The following NDST2 variants were observed in gnomAD, a reference collection of about 807,000 sequenced individuals.
The protein encoded by NDST2 is bifunctional heparan sulfate N-deacetylase/N-sulfotransferase 2.
In NDST2, 32 loss-of-function variants were observed where a neutral mutation model predicts 86.9. The observed-to-expected ratio is 0.37, with a 90% CI of 0.28 to 0.49. The LOEUF (loss-of-function observed/expected upper bound fraction) is 0.49. Ranked by LOEUF, NDST2 falls within the 20% of genes least tolerant of loss-of-function variation. NDST2 has a pLI of 0.97. For missense variants in NDST2, 950 were observed against 1,146.9 expected, an observed-to-expected ratio of 0.83 and a Z score of 2.48; for synonymous variants, 409 against 437.0, an observed-to-expected ratio of 0.94 and a Z score of 0.80.
Position 73,807,607 on chromosome 10 carries a change from C to A in NDST2, c.782G>T (p.Arg261Leu), listed in dbSNP as rs574275291. 1.9e-6 allele frequency: 3 copies of A among 1,614,064 alleles called. No individual in the cohort carries two copies. The African/African-American group carries it at 4.0e-5, about 22-fold the overall frequency. Residue 261 changes from arginine (R) to leucine (L), a missense_variant, in exon 3 of 15, where the codon CGG (arginine) becomes CTG (leucine). Transcript: ENST00000309979. ...AVPGPVLRRA[R>L]LPTVVQDLGL... ...CAGGTCCTGTACCACAGTGGGAAGC[C>A]GGGCCCGACGAAGAACTGGTCCTGG...
Position 73,808,703 on chromosome 10 carries a change from A to G in NDST2, c.-315T>C. ...GGCTGAGCGCCTCACATCAAAGGTC[A>G]GCAAAGTTCAATCTCTTCCCCTCTA... On this transcript the variant is annotated 5_prime_UTR_variant, in exon 3 of 15. Transcript: ENST00000309979. The surrounding 1 kb of genome is among the most constrained non-coding windows in gnomAD (Gnocchi z 4.3). 1 of 312,304 alleles carries G rather than the reference A, an allele frequency of 3.2e-6. No individual in the cohort carries two copies. The allele number at this position is 312,304 out of a possible 1,614,324, so 19.3% of individuals were successfully genotyped here.
chr10:73,807,275 C>A, intron 3 of NDST2, 80 bp from the exon 4 acceptor site: 2 of 1,567,178 alleles, frequency 1.3e-6, no homozygotes, highest in African/African-American at 1.4e-5. Flanking sequence ...TTCTTCCTGC[C>A]TGGAAAGGCA....
intron 11 of NDST2, 42 bp downstream of exon 11, chr10:73,803,532 C>T: frequency 3.2e-6 from 2 of 627,716 alleles, no homozygotes; most frequent in South Asian, 1.4e-5. Context: ...CCTCCCCCCT[C>T]CCCCCAACCT....
chr10:73,807,908 A>G lies in NDST2; in HGVS notation c.481T>C (p.Cys161Arg). The G allele has an allele frequency of 6.2e-7, 1 of 1,614,228 alleles. No individual in the cohort carries two copies. The highest frequency in any genetic ancestry group is 8.5e-7 in the Non-Finnish European group (1 of 1,180,036). ...ATGATGCCCACACCATACTCCACGC[A>G]GTACCGGTCTAGCAGTTCCCGACTC... ...AWSRELLDRY[C>R]VEYGVGIIGF... Residue 161 changes from cysteine to arginine, a missense_variant, in exon 3 of 15, where the codon TGC (cysteine) becomes CGC (arginine). Transcript: ENST00000309979.
rs1488492861 is a variant in NDST2, at chr10:73,802,080, G to T, written c.*371C>A. The T allele has an allele frequency of 5.4e-6, 2 of 369,070 alleles. No individual in the cohort carries two copies. Among genetic ancestry groups the T allele is most frequent in the Admixed American group, 8.9e-5 (2 of 22,448 alleles). The allele number at this position is 369,070 out of a possible 1,614,324, so 22.9% of individuals were successfully genotyped here. On this transcript the variant is annotated 3_prime_UTR_variant, in exon 15 of 15. Coordinates refer to ENST00000309979, the MANE Select transcript of NDST2 (RefSeq NM_003635.4). ...CTGGCTAAAGGGGCCATAGCAAGGGGTCCCTCCCATGCAAGGGGTCTCTCC... is the reference window on the plus strand; with the variant it reads ...CTGGCTAAAGGGGCCATAGCAAGGGTTCCCTCCCATGCAAGGGGTCTCTCC...
At position 73,808,624 on chromosome 10, in the gene NDST2, C is replaced by T. The variant is rs1318827581; in HGVS notation, c.-236G>A. On this transcript the variant is annotated 5_prime_UTR_variant, in exon 3 of 15. Coordinates refer to ENST00000309979, the MANE Select transcript of NDST2 (RefSeq NM_003635.4). The surrounding 1 kb of genome is among the most constrained non-coding windows in gnomAD (Gnocchi z 4.3). ...TCCACTTGTCTCAGGTCACCATGGC[C>T]CCCTGGCCCATGGCTTCAGGCTGCA... The T allele has an allele frequency of 2.1e-6, 1 of 476,116 alleles. No homozygotes were observed. The highest frequency in any genetic ancestry group is 1.9e-5 in the African/African-American group (1 of 52,330). The allele number at this position is 476,116 out of a possible 1,614,324, so 29.5% of individuals were successfully genotyped here. A position where few individuals can be genotyped will look rare whatever the true frequency, so the allele number is the denominator to read the frequency against.
Position 73,803,929 on chromosome 10 carries a change from A to C in NDST2, c.1931T>G (p.Phe644Cys), listed in dbSNP as rs775597794. The C allele has an allele frequency of 6.2e-7, 1 of 1,614,162 alleles. No individual in the cohort carries two copies. The highest frequency in any genetic ancestry group is 8.5e-7 in the Non-Finnish European group (1 of 1,180,036). Reference protein sequence around the residue: ...PSPSTFEEIQFFNSPNYHKGI... With the variant: ...PSPSTFEEIQCFNSPNYHKGI... ...CTTGTGGTAATTAGGGCTGTTGAAGAACTGAATCTCCTCAAATGTGCTGGG... is the reference window on the plus strand; with the variant it reads ...CTTGTGGTAATTAGGGCTGTTGAAGCACTGAATCTCCTCAAATGTGCTGGG... The change falls in exon 10 of 15, where the codon TTC (phenylalanine) becomes TGC (cysteine). Residue 644 changes from phenylalanine to cysteine, a missense_variant. Phe to Cys is a radical substitution (Grantham distance 205). Coordinates refer to ENST00000309979, the MANE Select transcript of NDST2 (RefSeq NM_003635.4).
rs372522956 is a variant in NDST2 at position 73,803,757 on chromosome 10, T to C, written c.1968-9A>G. The C allele has an allele frequency of 1.2e-5, 20 of 1,613,822 alleles. No individual in the cohort carries two copies. In the Admixed American group the frequency reaches 2.2e-4, roughly 17 times the overall value. On this transcript the variant is annotated splice_polypyrimidine_tract_variant and intron_variant, in intron 10 of 14. Coordinates refer to ENST00000309979, the MANE Select transcript of NDST2 (RefSeq NM_003635.4). ...GGAAGAAATCCATGTACCTAGGAAG[T>C]AGCACAGAAGAGAGAGAAGCAGAAA...
At chr10:73,805,215 C>T (rs1380990690) in intron 8 of NDST2, among the ~76,000 whole-genome samples, 2 of 151,696 alleles carry the variant, frequency 1.3e-5, no homozygotes, top group Non-Finnish European at 2.9e-5. Flanking sequence ...CTAGTCTTCT[C>T]TTAAACCCCC....
Position 73,805,918 on chromosome 10 carries a change from C to T in NDST2, c.1545G>A (p.Leu515=). The change falls in exon 7 of 15, where the codon CTG becomes CTA. Residue 515 remains leucine (L), a synonymous_variant. Transcript: ENST00000309979. The stretch of plus-strand genomic sequence containing the variant: ...ACCTTACCGGATTAAGCAGCACTGT[C>T]AGAAAGAGCTCTCCACCTCGGATGC... ...DRSIRGGELF[L]TVLLNPISIF... is the part of the protein sequence containing the mutation. 1 of 1,614,216 alleles carries T rather than the reference C, an allele frequency of 6.2e-7. No individual in the cohort carries two copies. The highest frequency in any genetic ancestry group is 1.1e-5 in the South Asian group (1 of 91,062).
chr10:73,807,634 A>G lies in NDST2; in HGVS notation c.755T>C (p.Val252Ala). 1 of 1,614,218 alleles carries G rather than the reference A, an allele frequency of 6.2e-7. No individual in the cohort carries two copies. The highest frequency in any genetic ancestry group is 8.5e-7 in the Non-Finnish European group (1 of 1,180,028). Residue 252 changes from valine to alanine, a missense_variant, in exon 3 of 15, where the codon GTG (valine) becomes GCG (alanine). Val to Ala is a moderately conservative substitution (Grantham distance 64). This residue lies in a region of NDST2 where 586 missense variants were observed against 714.0 expected (regional missense o/e 0.82). Coordinates refer to ENST00000309979, the MANE Select transcript of NDST2 (RefSeq NM_003635.4). ...GGCCCGACGAAGAACTGGTCCTGGC[A>G]CTGCGGGCTCAGCTGGCCGAAGGCT... ...LASLRPAEPA[V>A]PGPVLRRARL...
At position 73,802,303 on chromosome 10, in the gene NDST2, A is replaced by C; in HGVS notation, c.*148T>G. On this transcript the variant is annotated 3_prime_UTR_variant, in exon 15 of 15. Transcript: ENST00000309979. Reference sequence around the variant, plus strand: ...TGTCCCAGAACTGTGGGAAAAGGATACCCTTCCCTTCTCAGCCATCTCAGG... The same window carrying C: ...TGTCCCAGAACTGTGGGAAAAGGATCCCCTTCCCTTCTCAGCCATCTCAGG... 1 of 778,052 alleles carries C rather than the reference A, an allele frequency of 1.3e-6. No homozygotes were observed. The highest frequency in any genetic ancestry group is 1.8e-5 in the South Asian group (1 of 55,546). 48.2% of individuals were successfully genotyped at this position (778,052 alleles called of 1,614,324 possible). A position where few individuals can be genotyped will look rare whatever the true frequency, so the allele number is the denominator to read the frequency against.
rs2084142032 is a variant in NDST2 at position 73,808,330 on chromosome 10, A to G, written c.59T>C (p.Ile20Thr). ...PARQLELHRL[I>T]LLLIAFSLGS... The stretch of plus-strand genomic sequence containing the variant: ...CAGGCTGAAAGCGATCAGCAGCAGT[A>G]TGAGGCGGTGCAGTTCCAGCTGCCG... The change falls in exon 3 of 15, where the codon ATA becomes ACA. Residue 20 changes from isoleucine (I) to threonine (T), a missense_variant. Physicochemically the swap from Ile to Thr is moderately conservative, Grantham distance 89 (BLOSUM62 -1). Around this residue, in one of 5 missense-constraint regions of NDST2, gnomAD observed 38 missense variants for 42.5 expected, o/e 0.89. Transcript: ENST00000309979. The surrounding 1 kb of genome is among the most constrained non-coding windows in gnomAD (Gnocchi z 4.3). The G allele has an allele frequency of 6.3e-7, 1 of 1,595,158 alleles. No individual in the cohort carries two copies. The highest frequency in any genetic ancestry group is 1.1e-5 in the South Asian group (1 of 88,220).
At chr10:73,802,889 TA>T in intron 13 of NDST2, 82 bp downstream of exon 13, 8 of 1,504,150 alleles carry the variant, frequency 5.3e-6, no homozygotes, top group African/African-American at 4.1e-5. Flanking sequence ...TGAGACAGAG[TA>T]AATCTATGTC....
At position 73,808,799 on chromosome 10, in the gene NDST2, C is replaced by G. The variant is rs930619783; in HGVS notation, c.-341-70G>C. ...GTCATTAATCCATTCTCCTCCCCAT[C>G]CCATCTCTCTTACCTCCTGCTTACT... On this transcript the variant is annotated intron_variant, in intron 2 of 14. Transcript: ENST00000309979. The surrounding 1 kb of genome is among the most constrained non-coding windows in gnomAD (Gnocchi z 4.3). The G allele has an allele frequency of 1.2e-5, 2 of 171,920 alleles. No individual in the cohort carries two copies. The highest frequency in any genetic ancestry group is 2.5e-5 in the Non-Finnish European group (2 of 79,662). 10.6% of individuals were successfully genotyped at this position (171,920 alleles called of 1,614,324 possible).
Position 73,806,830 on chromosome 10 carries a change from C to T in NDST2, c.1094-19G>A. On this transcript the variant is annotated intron_variant, in intron 4 of 14. Transcript: ENST00000309979. This position sits in a 1 kb window ranked among gnomAD's most constrained non-coding sequence, Gnocchi z 4.5. ...TCTGTCCCTATGACCACACGCTGAC[C>T]ACTGACCACAGCCAGTCAGCCCCTG... is the stretch of plus-strand genomic sequence containing the variant. 1.2e-6 allele frequency: 2 copies of T among 1,609,074 alleles called. No individual in the cohort carries two copies. Among genetic ancestry groups the T allele is most frequent in the Non-Finnish European group, 1.7e-6 (2 of 1,175,878 alleles).
rs1253398034 is a variant in NDST2, at chr10:73,810,896, C to T, written c.-439G>A. The T allele has an allele frequency of 2.5e-6, 1 of 399,046 alleles. No homozygotes were observed. Among genetic ancestry groups the T allele is most frequent in the African/African-American group, 2.1e-5 (1 of 48,650 alleles). 24.7% of individuals were successfully genotyped at this position (399,046 alleles called of 1,614,324 possible). On this transcript the variant is annotated 5_prime_UTR_variant, in exon 2 of 15. Transcript: ENST00000309979. ...CGCGTTCTTAGCCGCTGCATTTTAG[C>T]TTCATACCTGGAAGAAGCAGCAAGG...
intron 10 of NDST2, 51 bp downstream of exon 10, chr10:73,803,842 G>A (rs74666201): frequency 3.1e-6 from 5 of 1,613,788 alleles, no homozygotes; most frequent in African/African-American, 2.7e-5. Flanking sequence ...GGGGTATTTT[G>A]GGGGAAGGGA....
At position 73,807,931 on chromosome 10, in the gene NDST2, CT is replaced by C; in HGVS notation, c.457del (p.Ser153ValfsTer5). On this transcript the variant is annotated frameshift_variant, in exon 3 of 15. Coordinates refer to ENST00000309979, the MANE Select transcript of NDST2 (RefSeq NM_003635.4). LOFTEE classifies it high-confidence loss of function. ...GCAGTACCGGTCTAGCAGTTCCCGA[CT>C]CCAGGCATCCAGGTTGACATACTTG... ...LLKYVNLDAW[S>X]RELLDRYCVE... is the part of the protein sequence containing the mutation. The C allele has an allele frequency of 6.2e-7, 1 of 1,614,250 alleles. No individual in the cohort carries two copies. The highest frequency in any genetic ancestry group is 8.5e-7 in the Non-Finnish European group (1 of 1,180,040).
Sources: gnomAD v4.1 joint callset for allele counts (sites outside exome capture counted in the v4.1 genomes callset) on GRCh38, gnomAD v4.1.1 for gene constraint, gnomAD v4.1.1 regional missense constraint, Gnocchi (gnomAD v3.1) non-coding constraint, MANE v1.5 for transcripts, NCBI Gene and HGNC (gene_info 2026-07-23, HGNC 2026-07-21) for gene names.